The following GUCY1A2 variants were observed in gnomAD, a reference collection of about 807,000 sequenced individuals.
The protein encoded by GUCY1A2 is guanylate cyclase 1 soluble subunit alpha 2.
Under a neutral mutation model 63.5 loss-of-function variants are expected in GUCY1A2, and 27 were observed. That is an observed-to-expected ratio of 0.43 (90% confidence interval 0.31 to 0.59). The LOEUF (loss-of-function observed/expected upper bound fraction) is 0.59. GUCY1A2 is among the 20% of genes least tolerant of loss of function. The pLI is 0.11. For missense variants in GUCY1A2, 768 were observed against 913.3 expected (o/e 0.84, Z 2.05); for synonymous variants, 364 against 343.5 (o/e 1.06, Z -0.66).
At chr11:106,926,981 A>G (rs1224173731) in intron 4 of GUCY1A2, among the ~76,000 whole-genome samples, 3 of 150,220 alleles carry the variant, frequency 2.0e-5, no homozygotes, top group Non-Finnish European at 4.5e-5. Context: ...TCTGTAATTC[A>G]GTGGTGAAGA....
intron 4 of GUCY1A2, among the ~76,000 whole-genome samples, chr11:106,860,615 G>A (rs576085111): frequency 5.9e-5 from 9 of 152,068 alleles, no homozygotes; most frequent in Non-Finnish European, 8.8e-5. Flanking sequence ...GAGTAAGTGA[G>A]AGCATAATGA....
intron 6 of GUCY1A2, among the ~76,000 whole-genome samples, chr11:106,716,876 G>T (rs1037386412): frequency 1.3e-5 from 2 of 150,966 alleles, no homozygotes; most frequent in Non-Finnish European, 3.0e-5. Flanking sequence ...ATACATTTGT[G>T]AACACGGTAC....
intron 7 of GUCY1A2, among the ~76,000 whole-genome samples, chr11:106,694,617 C>T (rs1862683994): frequency 6.6e-6 from 1 of 152,136 alleles, no homozygotes; most frequent in African/African-American, 2.4e-5. Flanking sequence ...GAAAATGGCC[C>T]AGTACTGGTG....
At chr11:106,757,214 T>C (rs1293984218) in intron 6 of GUCY1A2, among the ~76,000 whole-genome samples, 1 of 152,188 alleles carries the variant, frequency 6.6e-6, no homozygotes, top group Non-Finnish European at 1.5e-5. Flanking sequence ...ATTTATATTC[T>C]TCTCTAAACT....
intron 6 of GUCY1A2, among the ~76,000 whole-genome samples, chr11:106,757,939 A>T (rs140087285): frequency 1.1e-4 from 16 of 152,294 alleles, no homozygotes; most frequent in Non-Finnish European, 2.1e-4. Flanking sequence ...AAGTCTGCAG[A>T]AGCTTTGCCC....
intron 1 of GUCY1A2, among the ~76,000 whole-genome samples, chr11:107,004,097 AT>A (rs1861642350): frequency 6.6e-6 from 1 of 152,172 alleles, no homozygotes; most frequent in African/African-American, 2.4e-5. Flanking sequence ...GAGAGGACTA[AT>A]GATTGAGGGC....
intron 4 of GUCY1A2, among the ~76,000 whole-genome samples, chr11:106,825,722 G>A (rs1858960370): frequency 1.3e-5 from 2 of 151,420 alleles, no homozygotes; most frequent in African/African-American, 4.9e-5. Context: ...GTCTTGGGCC[G>A]CACATAAAAC....
intron 3 of GUCY1A2, among the ~76,000 whole-genome samples, chr11:106,972,186 A>G (rs2120098722): frequency 6.6e-6 from 1 of 152,268 alleles, no homozygotes; most frequent in Admixed American, 6.5e-5. Context: ...AACTAAGGAT[A>G]TTGAAATAAA....
chr11:106,707,378 A>C (rs893262990), intron 7 of GUCY1A2, among the ~76,000 whole-genome samples: 1 of 151,878 alleles, frequency 6.6e-6, no homozygotes, highest in Non-Finnish European at 1.5e-5. Flanking sequence ...TTTATATTCA[A>C]ATTTTCTGCT....
At chr11:106,697,426 C>T (rs1390288166) in intron 7 of GUCY1A2, among the ~76,000 whole-genome samples, 1 of 152,148 alleles carries the variant, frequency 6.6e-6, no homozygotes, top group Non-Finnish European at 1.5e-5. Flanking sequence ...ATACTCCAAA[C>T]ATGCTGTATT....
At chr11:106,702,219 T>C (rs1174716938) in intron 7 of GUCY1A2, among the ~76,000 whole-genome samples, 1 of 152,186 alleles carries the variant, frequency 6.6e-6, no homozygotes, top group African/African-American at 2.4e-5. Flanking sequence ...GTGACTATGA[T>C]GAGATATTGG....
At chr11:107,016,846 G>T (rs1446975136) in intron 1 of GUCY1A2, among the ~76,000 whole-genome samples, 1 of 152,012 alleles carries the variant, frequency 6.6e-6, no homozygotes, top group Non-Finnish European at 1.5e-5. Context: ...AAGCACTAGA[G>T]AATCCATTGA....
chr11:106,861,089 A>T (rs971194395), intron 4 of GUCY1A2, among the ~76,000 whole-genome samples: 1 of 151,926 alleles, frequency 6.6e-6, no homozygotes, highest in South Asian at 2.1e-4. Flanking sequence ...AATGTGCTTG[A>T]GTCCTCGCTC....
chr11:106,751,810 T>C (rs1408982224), intron 6 of GUCY1A2, among the ~76,000 whole-genome samples: 1 of 152,190 alleles, frequency 6.6e-6, no homozygotes, highest in African/African-American at 2.4e-5. Context: ...TAATATTTTA[T>C]ATGTAAAACC....
intron 4 of GUCY1A2, among the ~76,000 whole-genome samples, chr11:106,821,472 G>A (rs1168045431): frequency 6.6e-6 from 1 of 152,130 alleles, no homozygotes; most frequent in Non-Finnish European, 1.5e-5. Flanking sequence ...CCCCTGGGGT[G>A]CTTTTGTCAC....
At chr11:106,965,515 T>C (rs1019140969) in intron 3 of GUCY1A2, among the ~76,000 whole-genome samples, 1 of 152,212 alleles carries the variant, frequency 6.6e-6, no homozygotes, top group Non-Finnish European at 1.5e-5. Context: ...TAAGTATGCA[T>C]TTGATTTGTG....
intron 6 of GUCY1A2, among the ~76,000 whole-genome samples, chr11:106,762,865 AGT>A (rs1864089176): frequency 6.6e-6 from 1 of 152,104 alleles, no homozygotes; most frequent in African/African-American, 2.4e-5. Flanking sequence ...AATGTTTCAC[AGT>A]GTAATTTTGT....
chr11:106,857,056 C>A (rs1423956951), intron 4 of GUCY1A2, among the ~76,000 whole-genome samples: 1 of 152,208 alleles, frequency 6.6e-6, no homozygotes, highest in African/African-American at 2.4e-5. Context: ...ATGTCCAAAC[C>A]TAGCATTAAG....
Position 106,682,951 on chromosome 11 carries a change from A to G in GUCY1A2, c.*4598T>C, listed in dbSNP as rs1405802263. ...TGACAAGATTGTTAATCTGTATGTA[A>G]TATCAGTGTCTGCTCTTCATTCACC... On this transcript the variant is annotated 3_prime_UTR_variant, in exon 8 of 8. Coordinates refer to ENST00000526355, the MANE Select transcript of GUCY1A2 (RefSeq NM_000855.3). The G allele has an allele frequency of 9.3e-6, 2 of 215,550 alleles. No individual in the cohort carries two copies. Among genetic ancestry groups the G allele is most frequent in the Non-Finnish European group, 1.9e-5 (2 of 106,770 alleles). 13.4% of individuals were successfully genotyped at this position (215,550 alleles called of 1,614,324 possible). A position where few individuals can be genotyped will look rare whatever the true frequency, so the allele number is the denominator to read the frequency against.
Sources: allele counts gnomAD v4.1 joint callset (sites outside exome capture counted in the v4.1 genomes callset), GRCh38; gene constraint gnomAD v4.1.1; transcripts MANE v1.5; gene names NCBI Gene and HGNC (gene_info 2026-07-23, HGNC 2026-07-21).